Variants in RALGAPB observed in about 807,000 individuals in gnomAD.
The protein encoded by RALGAPB is ral GTPase-activating protein subunit beta.
In RALGAPB, 25 loss-of-function variants were observed where a neutral mutation model predicts 161.1. That is an observed-to-expected ratio of 0.16 (90% CI 0.11 to 0.22). The LOEUF is 0.22. Among genes scored for constraint, RALGAPB ranks in the 10% least tolerant of loss-of-function variants. RALGAPB has a pLI of 1.00. For missense variants in RALGAPB, 1,391 were observed against 1,815.2 expected, an observed-to-expected ratio of 0.77 and a Z score of 4.25; for synonymous variants, 629 against 626.1, an observed-to-expected ratio of 1.00 and a Z score of -0.07.
chr20:38,535,306 C>A (rs557889280), intron 16 of RALGAPB, 99 bp downstream of exon 16: 2 of 1,341,738 alleles, frequency 1.5e-6, no homozygotes, highest in Non-Finnish European at 2.1e-6. Flanking sequence ...TAGTGTTGAT[C>A]ATGCTCAAAC....
At position 38,494,990 on chromosome 20, in the gene RALGAPB, T is replaced by C. The variant is rs560081735; in HGVS notation, c.389+1858T>C. On this transcript the variant is annotated intron_variant, in intron 3 of 29. Coordinates refer to ENST00000262879, the MANE Select transcript of RALGAPB (RefSeq NM_020336.4). Reference sequence around the variant, plus strand: ...ATTACCTTGTTTTCTCAAAAGTATGTGTGCATAAGTGTTAGTAAATTCTGA... The same window carrying C: ...ATTACCTTGTTTTCTCAAAAGTATGCGTGCATAAGTGTTAGTAAATTCTGA... 5.5e-4 allele frequency among the ~76,000 whole-genome samples: 83 copies of C among 152,256 alleles called. 1 individual carries two copies. Among genetic ancestry groups the C allele is most frequent in the Admixed American group, 2.5e-3 (38 of 15,288 alleles).
At chr20:38,514,833 C>T (rs550102230) in intron 6 of RALGAPB, among the ~76,000 whole-genome samples, 1 of 152,288 alleles carries the variant, frequency 6.6e-6, no homozygotes, top group South Asian at 2.1e-4. Context: ...CCAAATGTGT[C>T]AGGTACACGG....
chr20:38,544,117 G>A (rs1037877194), intron 18 of RALGAPB, among the ~76,000 whole-genome samples: 3 of 152,084 alleles, frequency 2.0e-5, no homozygotes, highest in South Asian at 2.1e-4. Context: ...TTTAAGACAT[G>A]TGTACCAAGT....
intron 1 of RALGAPB, among the ~76,000 whole-genome samples, chr20:38,479,405 CAATT>C (rs2084899539): frequency 6.6e-6 from 1 of 152,154 alleles, no homozygotes; most frequent in Non-Finnish European, 1.5e-5. Context: ...TTGTTTGAAT[CAATT>C]GATGTAATTA....
At chr20:38,513,371 G>A (rs2086026609) in intron 6 of RALGAPB, among the ~76,000 whole-genome samples, 1 of 151,440 alleles carries the variant, frequency 6.6e-6, no homozygotes, top group South Asian at 2.1e-4. Context: ...GGGTGTGGTG[G>A]CACATGCCTG....
intron 25 of RALGAPB, among the ~76,000 whole-genome samples, chr20:38,566,197 C>T (rs914520309): frequency 6.6e-6 from 1 of 152,164 alleles, no homozygotes; most frequent in Non-Finnish European, 1.5e-5. Context: ...AGCTGCCTAA[C>T]CTTTGTACTT....
intron 18 of RALGAPB, among the ~76,000 whole-genome samples, chr20:38,544,599 C>A (rs1014983648): frequency 5.9e-5 from 9 of 152,176 alleles, no homozygotes; most frequent in Non-Finnish European, 1.5e-5. Flanking sequence ...TCCCGAGTAC[C>A]TGGGACTACA....
chr20:38,550,946 T>G lies in RALGAPB; in HGVS notation c.3010-125T>G. Reference sequence around the variant, plus strand: ...TGTTATCTGTAGCATTTGCAGGTTCTGAGTGAGTTTTTGTGACATGTAATC... The same window carrying G: ...TGTTATCTGTAGCATTTGCAGGTTCGGAGTGAGTTTTTGTGACATGTAATC... On this transcript the variant is annotated intron_variant, in intron 20 of 29. Transcript: ENST00000262879. The G allele has an allele frequency of 2.7e-6, 3 of 1,105,924 alleles. No individual in the cohort carries two copies. The South Asian group carries it at 4.6e-5, about 17-fold the overall frequency. 68.5% of individuals were successfully genotyped at this position (1,105,924 alleles called of 1,614,324 possible).
chr20:38,518,123 A>G lies in RALGAPB; in HGVS notation c.1417+123A>G, dbSNP rs117121525. 9.8e-3 allele frequency: 9,143 copies of G among 935,782 alleles called. 71 individuals are homozygous for G. Among genetic ancestry groups the G allele is most frequent in the Non-Finnish European group, 0.012 (7,480 of 626,274 alleles). The allele number at this position is 935,782 out of a possible 1,614,324, so 58.0% of individuals were successfully genotyped here. A position where few individuals can be genotyped will look rare whatever the true frequency, so the allele number is the denominator to read the frequency against. On this transcript the variant is annotated intron_variant, in intron 9 of 29. Transcript: ENST00000262879. ...AAAGCTCTCTGTTTCTGACCAAGCA[A>G]TGTCTTGTGCTTAACCCCTTCCAGC... is the stretch of plus-strand genomic sequence containing the variant.
At chr20:38,513,042 G>C (rs970510320) in intron 6 of RALGAPB, among the ~76,000 whole-genome samples, 1 of 151,790 alleles carries the variant, frequency 6.6e-6, no homozygotes, top group Non-Finnish European at 1.5e-5. Context: ...TTACAGGCTT[G>C]AGCCACCACG....
At chr20:38,488,350 C>T in intron 1 of RALGAPB, 53 bp from the exon 2 acceptor site, 1 of 1,151,850 alleles carries the variant, frequency 8.7e-7, no homozygotes, top group East Asian at 2.4e-5. Context: ...TTATTTATTT[C>T]TGTTAATTTC....
chr20:38,540,977 G>C (rs1693017728), intron 17 of RALGAPB, 64 bp from the exon 18 acceptor site: 1 of 1,557,158 alleles, frequency 6.4e-7, no homozygotes, highest in Non-Finnish European at 8.7e-7. Context: ...CATTTGGATG[G>C]ATTTCCTTGT....
At chr20:38,530,975 ATGT>A (rs980624400) in intron 13 of RALGAPB, among the ~76,000 whole-genome samples, 189 bp from the exon 14 acceptor site, 1 of 151,590 alleles carries the variant, frequency 6.6e-6, no homozygotes, top group African/African-American at 2.4e-5. Flanking sequence ...ACTTTCTAAC[ATGT>A]TTATTGAAAA....
intron 10 of RALGAPB, among the ~76,000 whole-genome samples, chr20:38,523,680 G>A (rs2086365603): frequency 6.6e-6 from 1 of 152,154 alleles, no homozygotes; most frequent in Non-Finnish European, 1.5e-5. Context: ...TGAGAGGTGT[G>A]GGTTAGAATG....
intron 22 of RALGAPB, among the ~76,000 whole-genome samples, chr20:38,555,271 G>T (rs1024228435): frequency 6.6e-5 from 10 of 152,150 alleles, no homozygotes; most frequent in Non-Finnish European, 1.3e-4. Context: ...CTTGTCCCTT[G>T]CCCTTACTGC....
chr20:38,521,803 A>G lies in RALGAPB; in HGVS notation c.1619+105A>G, dbSNP rs189939552. On this transcript the variant is annotated intron_variant, in intron 10 of 29. Coordinates refer to ENST00000262879, the MANE Select transcript of RALGAPB (RefSeq NM_020336.4). The stretch of plus-strand genomic sequence containing the variant: ...AGTGATGTTGGTCTGAAATACCTAC[A>G]GATGTCTGTAAGTGATCGACATTTG... The G allele has an allele frequency of 1.0e-4, 117 of 1,157,828 alleles. 4 individuals are homozygous for G. The Admixed American group carries it at 2.4e-3, about 24-fold the overall frequency. 71.7% of individuals were successfully genotyped at this position (1,157,828 alleles called of 1,614,324 possible).
At chr20:38,570,370 G>GT (rs1299081706) in intron 27 of RALGAPB, among the ~76,000 whole-genome samples, 4 of 152,130 alleles carry the variant, frequency 2.6e-5, no homozygotes, top group African/African-American at 9.7e-5. Context: ...CTACTGTCTC[G>GT]TTTTAGTATA....
Position 38,546,232 on chromosome 20 carries a change from A to G in RALGAPB, c.2715-11A>G, listed in dbSNP as rs376641958. ...TTGGGAATTAACTGTTATCTTTTCCATTCTCCATAGCATTATGCAGTTGCT... is the reference window on the plus strand; with the variant it reads ...TTGGGAATTAACTGTTATCTTTTCCGTTCTCCATAGCATTATGCAGTTGCT... On this transcript the variant is annotated splice_polypyrimidine_tract_variant and intron_variant, in intron 18 of 29. Coordinates refer to ENST00000262879, the MANE Select transcript of RALGAPB (RefSeq NM_020336.4). 2 of 1,613,622 alleles carry G rather than the reference A, an allele frequency of 1.2e-6. No individual in the cohort carries two copies. Among genetic ancestry groups the G allele is most frequent in the Non-Finnish European group, 1.7e-6 (2 of 1,179,570 alleles).
At chr20:38,554,205 A>C (rs542946755) in intron 22 of RALGAPB, 129 bp downstream of exon 22, 2 of 850,200 alleles carry the variant, frequency 2.4e-6, no homozygotes, top group Non-Finnish European at 3.6e-6. Flanking sequence ...TTTAGCCTGC[A>C]TACAAATAAA....
Sources: allele counts gnomAD v4.1 joint callset (sites outside exome capture counted in the v4.1 genomes callset), GRCh38; gene constraint gnomAD v4.1.1; transcripts MANE v1.5; gene names NCBI Gene and HGNC (gene_info 2026-07-23, HGNC 2026-07-21).